Variants in HS6ST3 observed in about 807,000 individuals in gnomAD.
The protein encoded by HS6ST3 is heparan sulfate 6-O-sulfotransferase 3, also known as heparan-sulfate 6-O-sulfotransferase 3.
Under a neutral mutation model 36.7 loss-of-function variants are expected in HS6ST3, and 12 were observed. That is an observed-to-expected ratio of 0.33 (90% CI 0.21 to 0.53). HS6ST3 has a LOEUF of 0.53. Among genes scored for constraint, HS6ST3 ranks in the 20% least tolerant of loss-of-function variants. The probability of loss-of-function intolerance (pLI) is 0.95; values close to 1 mark genes in which losing one functional copy is unlikely to be tolerated. For missense variants in HS6ST3, 584 were observed against 640.9 expected, an observed-to-expected ratio of 0.91 and a Z score of 0.96; for synonymous variants, 240 against 257.5, an observed-to-expected ratio of 0.93 and a Z score of 0.65.
chr13:96,481,648 CAG>C (rs879447201), intron 1 of HS6ST3, among the ~76,000 whole-genome samples: 89 of 152,108 alleles, frequency 5.9e-4, no homozygotes, highest in Non-Finnish European at 1.1e-3. Flanking sequence ...AAAACTCATG[CAG>C]TGCCGTCCTG....
chr13:96,532,090 G>A (rs1566388621), intron 1 of HS6ST3, among the ~76,000 whole-genome samples: 2 of 152,176 alleles, frequency 1.3e-5, no homozygotes, highest in African/African-American at 2.4e-5. Context: ...ATCCCAGGCT[G>A]GATCCAGAGT....
intron 1 of HS6ST3, among the ~76,000 whole-genome samples, chr13:96,826,509 G>C (rs1163525077): frequency 6.6e-6 from 1 of 152,054 alleles, no homozygotes; most frequent in Admixed American, 6.6e-5. Context: ...TTATCAAAAA[G>C]GACTTTGGAG....
intron 1 of HS6ST3, among the ~76,000 whole-genome samples, chr13:96,679,986 G>T (rs2138437027): frequency 6.6e-6 from 1 of 152,180 alleles, no homozygotes; most frequent in Non-Finnish European, 1.5e-5. Flanking sequence ...TGGTAGCAAC[G>T]TGGGGAAGGA....
intron 1 of HS6ST3, among the ~76,000 whole-genome samples, chr13:96,687,696 G>A (rs1874824010): frequency 6.6e-6 from 1 of 151,860 alleles, no homozygotes; most frequent in African/African-American, 2.4e-5. Flanking sequence ...CAGGTGTGGT[G>A]GTTGGTGGCA....
At chr13:96,310,673 C>G (rs1312213486) in intron 1 of HS6ST3, among the ~76,000 whole-genome samples, 1 of 132,394 alleles carries the variant, frequency 7.6e-6, no homozygotes, top group Non-Finnish European at 1.6e-5. Flanking sequence ...CCCTGCCTAT[C>G]TCCCTCCCTC....
intron 1 of HS6ST3, among the ~76,000 whole-genome samples, chr13:96,333,904 T>TGG (rs2055086035): frequency 6.6e-6 from 1 of 151,920 alleles, no homozygotes; most frequent in African/African-American, 2.4e-5. Flanking sequence ...AGCTTATATA[T>TGG]AGCAAGTGGG....
chr13:96,821,394 T>C (rs1878531352), intron 1 of HS6ST3, among the ~76,000 whole-genome samples: 1 of 152,204 alleles, frequency 6.6e-6, no homozygotes, highest in South Asian at 2.1e-4. Flanking sequence ...AGTCATAAAC[T>C]GAATTTCCAA....
At chr13:96,362,141 T>A (rs1258723157) in intron 1 of HS6ST3, among the ~76,000 whole-genome samples, 1 of 152,154 alleles carries the variant, frequency 6.6e-6, no homozygotes, top group Non-Finnish European at 1.5e-5. Flanking sequence ...ACAAAGAAAT[T>A]GAATAAGCCA....
At chr13:96,639,382 T>C (rs970843145) in intron 1 of HS6ST3, among the ~76,000 whole-genome samples, 2 of 151,990 alleles carry the variant, frequency 1.3e-5, no homozygotes, top group African/African-American at 4.8e-5. Flanking sequence ...GCATGATACA[T>C]CTCATTGTGT....
At chr13:96,628,626 T>A (rs2056521209) in intron 1 of HS6ST3, among the ~76,000 whole-genome samples, 1 of 152,140 alleles carries the variant, frequency 6.6e-6, no homozygotes, top group Non-Finnish European at 1.5e-5. Context: ...CGTGTACCTA[T>A]AATTTTTCAA....
chr13:96,133,214 C>T (rs1388195699), intron 1 of HS6ST3, among the ~76,000 whole-genome samples: 3 of 151,922 alleles, frequency 2.0e-5, no homozygotes, highest in Non-Finnish European at 4.4e-5. Context: ...CTGCAACCTC[C>T]GCCTTCCGGT....
At chr13:96,769,653 G>C (rs1485551003) in intron 1 of HS6ST3, among the ~76,000 whole-genome samples, 2 of 151,116 alleles carry the variant, frequency 1.3e-5, no homozygotes, top group African/African-American at 4.9e-5. Flanking sequence ...TTAAAGGTTG[G>C]TAATAAAAGC....
chr13:96,478,242 C>T (rs79607515), intron 1 of HS6ST3, among the ~76,000 whole-genome samples: 2,399 of 152,174 alleles, frequency 0.016, 72 homozygotes, highest in African/African-American at 0.053. Context: ...ATGGATTGCT[C>T]AGTTTTATTT....
At chr13:96,782,235 G>A (rs911826131) in intron 1 of HS6ST3, among the ~76,000 whole-genome samples, 3 of 152,158 alleles carry the variant, frequency 2.0e-5, no homozygotes, top group African/African-American at 7.2e-5. Context: ...AAGCAAAGAA[G>A]GCTGCTGAAT....
intron 1 of HS6ST3, among the ~76,000 whole-genome samples, chr13:96,785,341 T>G (rs1046823556): frequency 5.3e-5 from 8 of 152,072 alleles, no homozygotes; most frequent in Non-Finnish European, 1.0e-4. Flanking sequence ...TGTAGAGCAG[T>G]AAATGGGTCT....
At chr13:96,334,026 T>C (rs1294736839) in intron 1 of HS6ST3, among the ~76,000 whole-genome samples, 3 of 152,014 alleles carry the variant, frequency 2.0e-5, no homozygotes, top group Non-Finnish European at 4.4e-5. Flanking sequence ...GCCTGTAGGG[T>C]GGGTACACTG....
intron 1 of HS6ST3, chr13:96,574,590 C>T: frequency 8.0e-6 from 2 of 251,380 alleles, no homozygotes; most frequent in Non-Finnish European, 1.7e-5. Flanking sequence ...TCTTCCTGGT[C>T]CAGTTACTTC....
chr13:96,784,533 AG>A (rs150718256), intron 1 of HS6ST3, among the ~76,000 whole-genome samples: 225 of 152,334 alleles, frequency 1.5e-3, no homozygotes, highest in African/African-American at 5.2e-3. Context: ...TTTTGTGAGC[AG>A]ATAAAATGAG....
intron 1 of HS6ST3, among the ~76,000 whole-genome samples, chr13:96,494,544 A>G (rs1014860101): frequency 2.1e-5 from 3 of 139,846 alleles, no homozygotes; most frequent in Non-Finnish European, 4.7e-5. Context: ...AAGTATAATT[A>G]AAAAAAAAAA....
Sources: gnomAD v4.1 joint callset for allele counts (sites outside exome capture counted in the v4.1 genomes callset) on GRCh38, gnomAD v4.1.1 for gene constraint, MANE v1.5 for transcripts, NCBI Gene and HGNC (gene_info 2026-07-23, HGNC 2026-07-21) for gene names.